Variants in TBC1D5 observed in about 807,000 individuals in gnomAD.
TBC1D5 encodes TBC1 domain family member 5, also known as TBC1 domain family, member 5.
Under a neutral mutation model 100.3 loss-of-function variants are expected in TBC1D5, and 75 were observed. The ratio of observed to expected loss-of-function variants is 0.75; its 90% confidence interval spans 0.62 to 0.91. TBC1D5 has a LOEUF of 0.91. Among genes scored for constraint, TBC1D5 ranks in the 40% least tolerant of loss-of-function variants. The pLI, the probability that TBC1D5 is intolerant of heterozygous loss-of-function variation, is 0.00. For missense variants in TBC1D5, 910 were observed against 942.4 expected (o/e 0.97, Z 0.45); for synonymous variants, 323 against 325.6 (o/e 0.99, Z 0.09).
At chr3:17,532,059 T>C (rs1284843218) in intron 2 of TBC1D5, among the ~76,000 whole-genome samples, 1 of 152,096 alleles carries the variant, frequency 6.6e-6, no homozygotes, top group Non-Finnish European at 1.5e-5. Flanking sequence ...ACCTACAGAA[T>C]GGGAGAACGT....
At chr3:17,686,261 T>G (rs1247519807) in intron 1 of TBC1D5, among the ~76,000 whole-genome samples, 1 of 152,136 alleles carries the variant, frequency 6.6e-6, no homozygotes, top group Non-Finnish European at 1.5e-5. Context: ...AAAACACAAC[T>G]GACCTCATAA....
At chr3:17,547,988 G>A (rs1206962849) in intron 2 of TBC1D5, among the ~76,000 whole-genome samples, 1 of 152,104 alleles carries the variant, frequency 6.6e-6, no homozygotes, top group African/African-American at 2.4e-5. Flanking sequence ...ATAGTACTCT[G>A]TATAAGCCAT....
At chr3:17,553,246 C>T (rs1483276906) in intron 2 of TBC1D5, among the ~76,000 whole-genome samples, 2 of 152,070 alleles carry the variant, frequency 1.3e-5, no homozygotes, top group Admixed American at 1.3e-4. Context: ...TAGCCAATGC[C>T]GTAAGAACTG....
intron 9 of TBC1D5, 46 bp from the exon 10 acceptor site, chr3:17,376,659 T>C (rs1256138644): frequency 6.5e-7 from 1 of 1,548,796 alleles, no homozygotes; most frequent in Admixed American, 1.8e-5. Flanking sequence ...ATACTCAGAG[T>C]CCATTAGTGG....
chr3:17,557,285 A>C (rs752061917), intron 2 of TBC1D5, among the ~76,000 whole-genome samples: 1 of 152,212 alleles, frequency 6.6e-6, no homozygotes, highest in Admixed American at 6.5e-5. Flanking sequence ...ATGGGAGAAA[A>C]AAAACCAAGA....
chr3:17,236,571 C>T (rs1233379028), intron 17 of TBC1D5, among the ~76,000 whole-genome samples: 2 of 151,784 alleles, frequency 1.3e-5, no homozygotes, highest in African/African-American at 2.4e-5. Context: ...CTGCAACCTC[C>T]GCCTCCTAGG....
chr3:17,207,446 G>A (rs2072357782), intron 18 of TBC1D5, among the ~76,000 whole-genome samples: 2 of 152,146 alleles, frequency 1.3e-5, no homozygotes, highest in Non-Finnish European at 2.9e-5. Flanking sequence ...ATAATGAAGT[G>A]AGGTCAATTT....
At chr3:17,517,924 C>T (rs1202056449) in intron 2 of TBC1D5, among the ~76,000 whole-genome samples, 1 of 152,082 alleles carries the variant, frequency 6.6e-6, no homozygotes, top group Non-Finnish European at 1.5e-5. Context: ...TATCTCATGA[C>T]TGTTACAAGG....
intron 3 of TBC1D5, among the ~76,000 whole-genome samples, chr3:17,453,079 TAAA>T (rs570210975): frequency 0.11 from 8,840 of 81,932 alleles, 462 homozygotes; most frequent in African/African-American, 0.23. Flanking sequence ...AATGAAGAAA[TAAA>T]AAAAAAAAAA....
chr3:17,293,500 CA>C (rs988992743), intron 14 of TBC1D5, among the ~76,000 whole-genome samples: 64 of 152,310 alleles, frequency 4.2e-4, no homozygotes, highest in African/African-American at 1.4e-3. Flanking sequence ...TTGAACCTTT[CA>C]TCAAGTTGCC....
At chr3:17,353,207 C>T (rs76784056) in intron 13 of TBC1D5, among the ~76,000 whole-genome samples, 4,228 of 152,016 alleles carry the variant, frequency 0.028, 87 homozygotes, top group Middle Eastern at 0.085. Flanking sequence ...TTTAGAAGTA[C>T]ACTTAAACAA....
chr3:17,244,212 C>T (rs1027491457), intron 16 of TBC1D5, among the ~76,000 whole-genome samples: 6 of 152,190 alleles, frequency 3.9e-5, no homozygotes, highest in Admixed American at 3.3e-4. Flanking sequence ...TTTAGATACA[C>T]AGCCTAGTTC....
At chr3:17,719,949 A>T (rs192757824) in intron 1 of TBC1D5, among the ~76,000 whole-genome samples, 6 of 152,298 alleles carry the variant, frequency 3.9e-5, no homozygotes, top group Admixed American at 3.3e-4. Context: ...AAAGTTTGTG[A>T]TTATAGGGAT....
chr3:17,240,890 G>A (rs371160081), intron 16 of TBC1D5, among the ~76,000 whole-genome samples: 18 of 152,274 alleles, frequency 1.2e-4, no homozygotes, highest in African/African-American at 4.1e-4. Flanking sequence ...AGAGAATACG[G>A]TTAATGCATC....
intron 4 of TBC1D5, among the ~76,000 whole-genome samples, chr3:17,427,187 T>C (rs1048765126): frequency 3.3e-5 from 5 of 151,948 alleles, no homozygotes; most frequent in Non-Finnish European, 7.4e-5. Flanking sequence ...AACAACAACA[T>C]ATGAGCTTTA....
At chr3:17,715,298 G>C (rs879818484) in intron 1 of TBC1D5, among the ~76,000 whole-genome samples, 1 of 152,130 alleles carries the variant, frequency 6.6e-6, no homozygotes, top group South Asian at 2.1e-4. Context: ...GAGAATACTC[G>C]ATCCTGATTA....
At position 17,308,229 on chromosome 3, in the gene TBC1D5, C is replaced by A. The variant is rs960027854; in HGVS notation, c.996-95G>T. 5.0e-6 allele frequency: 6 copies of A among 1,203,832 alleles called. No individual in the cohort carries two copies. In the African/African-American group the frequency reaches 9.5e-5, roughly 19 times the overall value. The allele number at this position is 1,203,832 out of a possible 1,614,324, so 74.6% of individuals were successfully genotyped here. A position where few individuals can be genotyped will look rare whatever the true frequency, so the allele number is the denominator to read the frequency against. On this transcript the variant is annotated intron_variant, in intron 13 of 21. Coordinates refer to ENST00000253692, the Ensembl canonical transcript of TBC1D5. ...TAACTGTGAAAAACTATTAACTGAA[C>A]ACAGTGAGCAAATATTATATATCAA...
At chr3:17,191,408 T>C (rs1213252282) in intron 18 of TBC1D5, among the ~76,000 whole-genome samples, 1 of 152,172 alleles carries the variant, frequency 6.6e-6, no homozygotes, top group African/African-American at 2.4e-5. Flanking sequence ...GTGAATTTTA[T>C]TGTCTCTGAA....
chr3:17,410,976 T>G (rs1286597069), intron 4 of TBC1D5, among the ~76,000 whole-genome samples: 1 of 152,156 alleles, frequency 6.6e-6, no homozygotes, highest in Non-Finnish European at 1.5e-5. Context: ...AGTTCTACTC[T>G]GGGTAAGATG....
Sources: allele counts gnomAD v4.1 joint callset (sites outside exome capture counted in the v4.1 genomes callset), GRCh38; gene constraint gnomAD v4.1.1; transcripts MANE v1.5; gene names NCBI Gene and HGNC (gene_info 2026-07-23, HGNC 2026-07-21).